Variants in CHST9 observed in about 807,000 individuals in gnomAD.
The protein encoded by CHST9 is GalNAc-4-sulfotransferase 2.
In CHST9, 41 loss-of-function variants were observed where a neutral mutation model predicts 44.4. The observed-to-expected ratio is 0.92, with a 90% CI of 0.72 to 1.20. CHST9 has a LOEUF of 1.20. Among genes scored for constraint, CHST9 ranks in the 50% most tolerant of loss-of-function variants. The pLI is 0.00. For synonymous variants in CHST9, 171 were observed against 178.4 expected (o/e 0.96, Z 0.33); for missense variants, 504 against 516.5 (o/e 0.98, Z 0.23).
At chr18:26,935,590 T>C (rs1907784829) in intron 5 of CHST9, 2 of 152,206 alleles carry the variant, frequency 1.3e-5, no homozygotes, top group African/African-American at 4.8e-5. Context: ...TAAATTACAT[T>C]ATTCCACATC....
intron 4 of CHST9, among the ~76,000 whole-genome samples, chr18:26,957,439 G>C (rs953641284): frequency 5.9e-5 from 9 of 152,092 alleles, no homozygotes; most frequent in Non-Finnish European, 1.2e-4. Flanking sequence ...GTCCCAAAGA[G>C]AGCTATCAAT....
At chr18:27,105,875 T>G (rs929842215) in intron 2 of CHST9, among the ~76,000 whole-genome samples, 1 of 152,130 alleles carries the variant, frequency 6.6e-6, no homozygotes, top group East Asian at 1.9e-4. Context: ...AATGAGATTT[T>G]AAGGTAATAA....
intron 1 of CHST9, among the ~76,000 whole-genome samples, chr18:27,146,310 G>A (rs1179814423): frequency 1.3e-5 from 2 of 152,298 alleles, no homozygotes; most frequent in African/African-American, 4.8e-5. Context: ...AGTGATTAAA[G>A]CCACAAGGCA....
intron 1 of CHST9, among the ~76,000 whole-genome samples, chr18:27,169,064 G>A (rs956754349): frequency 7.9e-5 from 12 of 152,284 alleles, no homozygotes; most frequent in Admixed American, 7.2e-4. Flanking sequence ...ACAAGTTCAA[G>A]CTTGGAAGAT....
intron 2 of CHST9, among the ~76,000 whole-genome samples, chr18:27,135,837 A>T (rs2058509260): frequency 6.6e-6 from 1 of 152,192 alleles, no homozygotes; most frequent in Admixed American, 6.5e-5. Flanking sequence ...ACCACCTGAG[A>T]GTTTTATTAA....
chr18:26,951,367 C>A (rs2056245406), intron 4 of CHST9, among the ~76,000 whole-genome samples: 1 of 152,152 alleles, frequency 6.6e-6, no homozygotes, highest in African/African-American at 2.4e-5. Flanking sequence ...ATTTTGCTGC[C>A]TAAACAGTTT....
At position 26,914,911 on chromosome 18, in the gene CHST9, G is replaced by A. The variant is rs1143735; in HGVS notation, c.*1348C>T. The A allele has an allele frequency of 0.13, 50,626 of 397,572 alleles. 4,858 individuals carry two copies. The highest frequency in any genetic ancestry group is 0.34 in the East Asian group (9,601 of 27,984). 24.6% of individuals were successfully genotyped at this position (397,572 alleles called of 1,614,324 possible). The stretch of plus-strand genomic sequence containing the variant: ...GAAAGACTTGTGATTTTCTTAACTC[G>A]GGGTAAAAGTCGACCAATTAAAGTA... On this transcript the variant is annotated 3_prime_UTR_variant, in exon 6 of 6. Transcript: ENST00000618847.
intron 4 of CHST9, among the ~76,000 whole-genome samples, chr18:26,975,444 C>T (rs558757459): frequency 3.4e-4 from 51 of 151,864 alleles, no homozygotes; most frequent in Non-Finnish European, 6.2e-4. Context: ...CCCACCACTC[C>T]GAGTCTCCAT....
At chr18:26,973,887 CTT>C (rs761920216) in intron 4 of CHST9, among the ~76,000 whole-genome samples, 2 of 152,164 alleles carry the variant, frequency 1.3e-5, no homozygotes, top group Non-Finnish European at 2.9e-5. Flanking sequence ...ACTGACTGCT[CTT>C]GTGTTCAGAC....
intron 3 of CHST9, among the ~76,000 whole-genome samples, chr18:27,031,253 T>G (rs2057337583): frequency 6.6e-6 from 1 of 152,230 alleles, no homozygotes; most frequent in South Asian, 2.1e-4. Flanking sequence ...GTCCCATTGT[T>G]GCCTCAAGTG....
chr18:27,133,894 G>A (rs1402400152), intron 2 of CHST9, among the ~76,000 whole-genome samples: 5 of 152,180 alleles, frequency 3.3e-5, no homozygotes, highest in Admixed American at 2.6e-4. Flanking sequence ...GCGCTGTCCA[G>A]AAGTGGGCAG....
chr18:27,087,178 T>C (rs867495243), intron 2 of CHST9, among the ~76,000 whole-genome samples: 2 of 152,162 alleles, frequency 1.3e-5, no homozygotes, highest in African/African-American at 4.8e-5. Flanking sequence ...CATTCTTGAA[T>C]TGGACTCTAT....
chr18:27,053,262 G>GAAGAAGAAGAAGAAGAAGAAGA (rs772678534), intron 2 of CHST9, among the ~76,000 whole-genome samples: 5 of 45,760 alleles, frequency 1.1e-4, no homozygotes, highest in African/African-American at 2.2e-4. Context: ...GAAGAAGAAG[G>GAAGAAGAAGAAGAAGAAGAAGA]AGAAGGAGAA....
At chr18:27,157,128 C>T (rs964649669) in intron 1 of CHST9, among the ~76,000 whole-genome samples, 1 of 152,066 alleles carries the variant, frequency 6.6e-6, no homozygotes, top group African/African-American at 2.4e-5. Flanking sequence ...ATCCTCCTTC[C>T]TTATGCCAGA....
intron 2 of CHST9, among the ~76,000 whole-genome samples, chr18:27,142,251 C>A (rs956400145): frequency 6.6e-6 from 1 of 152,142 alleles, no homozygotes; most frequent in Non-Finnish European, 1.5e-5. Context: ...CCAACCCCTC[C>A]TTTATAATAA....
intron 3 of CHST9, among the ~76,000 whole-genome samples, chr18:27,047,772 G>A (rs567085099): frequency 5.9e-5 from 9 of 152,190 alleles, no homozygotes; most frequent in Non-Finnish European, 7.4e-5. Flanking sequence ...CCAAATTAGC[G>A]TTCTCTATGA....
intron 2 of CHST9, among the ~76,000 whole-genome samples, chr18:27,131,965 G>A (rs1320223199): frequency 1.3e-5 from 2 of 152,116 alleles, no homozygotes; most frequent in Non-Finnish European, 2.9e-5. Flanking sequence ...GCCAACCAAT[G>A]TATACCTTTC....
intron 1 of CHST9, among the ~76,000 whole-genome samples, chr18:27,181,427 T>C (rs2058911472): frequency 6.6e-6 from 1 of 152,182 alleles, no homozygotes; most frequent in East Asian, 1.9e-4. Flanking sequence ...ATTGAGAGGT[T>C]CTCTTTGATG....
intron 2 of CHST9, among the ~76,000 whole-genome samples, chr18:27,072,068 G>A (rs1308580353): frequency 2.6e-5 from 4 of 152,164 alleles, no homozygotes; most frequent in Admixed American, 1.3e-4. Flanking sequence ...CATATTGCCC[G>A]GTGTGAAGTT....
Sources: allele counts gnomAD v4.1 joint callset (sites outside exome capture counted in the v4.1 genomes callset), GRCh38; gene constraint gnomAD v4.1.1; transcripts MANE v1.5; gene names NCBI Gene and HGNC (gene_info 2026-07-23, HGNC 2026-07-21).